UBN2: variants seen among roughly 807,000 people sequenced by gnomAD.
UBN2 encodes ubinuclein-2.
A neutral mutation model predicts 120.2 loss-of-function variants in UBN2; 35 were observed. The ratio of observed to expected loss-of-function variants is 0.29; its 90% CI spans 0.22 to 0.39. The LOEUF (loss-of-function observed/expected upper bound fraction) is 0.39. Among genes scored for constraint, UBN2 ranks in the 10% least tolerant of loss-of-function variants. UBN2 has a pLI of 1.00. For synonymous variants in UBN2, 661 were observed against 648.7 expected (o/e 1.02, Z -0.29); for missense variants, 1,693 against 1,663.2 (o/e 1.02, Z -0.31).
chr7:139,318,435 G>T, the UBN2 span, among the ~76,000 whole-genome samples: 3 of 152,194 alleles, frequency 2.0e-5, no homozygotes, highest in Non-Finnish European at 2.9e-5. Flanking sequence ...TGTGTGTTTA[G>T]TGATTTTTGT....
In UBN2 at chr7:139,269,450, A is replaced by G; in HGVS notation, c.1523A>G (p.His508Arg). 1 of 1,614,162 alleles carries G rather than the reference A, an allele frequency of 6.2e-7. No individual in the cohort carries two copies. The highest frequency in any genetic ancestry group is 8.5e-7 in the Non-Finnish European group (1 of 1,180,028). ...GTCATTCGCAGTGGTGTCTACTCCC[A>G]CCTTGAAGCTTTTGTGCCATGCAAT... ...GPVIRSGVYS[H>R]LEAFVPCNKE... Residue 508 changes from histidine (H) to arginine (R), a missense_variant, in exon 8 of 18, where the codon CAC becomes CGC. Around this residue, in one of 5 missense-constraint regions of UBN2, gnomAD observed 178 missense variants for 204.0 expected, o/e 0.87. Coordinates refer to ENST00000473989, the MANE Select transcript of UBN2 (RefSeq NM_173569.4).
chr7:139,324,075 A>G, the UBN2 span, among the ~76,000 whole-genome samples: 3 of 152,102 alleles, frequency 2.0e-5, no homozygotes, highest in Middle Eastern at 3.2e-3. Context: ...TCCCGCTGCC[A>G]TTCTTATGAT....
chr7:139,286,299 A>C (rs1230702497), intron 15 of UBN2, among the ~76,000 whole-genome samples: 1 of 152,008 alleles, frequency 6.6e-6, no homozygotes, highest in African/African-American at 2.4e-5. Context: ...CCTAACCTCA[A>C]GTGATCTGCC....
Position 139,231,748 on chromosome 7 carries a change from GGAGCCCCCGCGGCCC to G in UBN2, c.270_284del (p.Arg92_Pro96del), listed in dbSNP as rs1199076121. On this transcript the variant is annotated inframe_deletion, in exon 1 of 18. Coordinates refer to ENST00000473989, the MANE Select transcript of UBN2 (RefSeq NM_173569.4). ...CCGAGCCGCCCATGTCGCTGCAGCG[GGAGCCCCCGCGGCCC>G]GAGCCGCCGCCGCCGTTCCCGCCGC... 4 of 1,214,282 alleles carry G rather than the reference GGAGCCCCCGCGGCCC, an allele frequency of 3.3e-6. No homozygotes were observed. Among genetic ancestry groups the G allele is most frequent in the Admixed American group, 4.4e-5 (1 of 22,818 alleles). The allele number at this position is 1,214,282 out of a possible 1,614,324, so 75.2% of individuals were successfully genotyped here.
At chr7:139,271,854 A>G (rs1347185272) in intron 8 of UBN2, among the ~76,000 whole-genome samples, 2 of 152,218 alleles carry the variant, frequency 1.3e-5, no homozygotes, top group East Asian at 3.8e-4. Flanking sequence ...ATTACTAACC[A>G]TAACTGAGAG....
rs142378700 is a variant in UBN2 at position 139,272,494 on chromosome 7, TTATGTATGTATGTATGTATGTATG to T, written c.1715+78_1715+101del. 2.6e-4 allele frequency: 290 copies of T among 1,105,086 alleles called. 1 individual carries two copies. In the South Asian group the frequency reaches 3.1e-3, roughly 12 times the overall value. 68.5% of individuals were successfully genotyped at this position (1,105,086 alleles called of 1,614,324 possible). Reference sequence around the variant, plus strand: ...TTTGCATTTGAGAAGTGTATGTACGTTATGTATGTATGTATGTATGTATGTATGTATGTATGTATGTATGTATTT... The same window carrying T: ...TTTGCATTTGAGAAGTGTATGTACGTTATGTATGTATGTATGTATGTATTT... On this transcript the variant is annotated intron_variant, in intron 9 of 17. Transcript: ENST00000473989.
the UBN2 span, among the ~76,000 whole-genome samples, chr7:139,327,476 G>A: frequency 1.1e-3 from 174 of 152,260 alleles, no homozygotes; most frequent in East Asian, 0.023. Context: ...TCAAGGTGCT[G>A]GCATCTGGTG....
chr7:139,293,203 A>C, intron 15 of UBN2, 29 bp from the exon 16 acceptor site: 1 of 1,577,216 alleles, frequency 6.3e-7, no homozygotes. Context: ...TTTATTTCTT[A>C]TGTATTTTGA....
the UBN2 span, among the ~76,000 whole-genome samples, chr7:139,316,452 T>G: frequency 1.3e-5 from 2 of 152,190 alleles, no homozygotes; most frequent in African/African-American, 4.8e-5. Context: ...TTTTCTAGGT[T>G]CTTTTCCTTC....
chr7:139,269,168 C>T (rs1797187303), intron 7 of UBN2, among the ~76,000 whole-genome samples: 1 of 152,056 alleles, frequency 6.6e-6, no homozygotes, highest in African/African-American at 2.4e-5. Context: ...GAGACTGCAC[C>T]ATTGCACTCC....
intron 2 of UBN2, among the ~76,000 whole-genome samples, chr7:139,249,977 A>G (rs987985816): frequency 8.6e-5 from 13 of 151,930 alleles, no homozygotes; most frequent in African/African-American, 3.1e-4. Context: ...CTGAAATTAC[A>G]GGTATGAGTT....
chr7:139,269,949 C>T (rs1048198821), intron 8 of UBN2, among the ~76,000 whole-genome samples: 1 of 152,080 alleles, frequency 6.6e-6, no homozygotes, highest in African/African-American at 2.4e-5. Context: ...GCTAGGACTG[C>T]AGGCTGGCAT....
At chr7:139,310,906 T>C (rs1281120051), downstream of UBN2, among the ~76,000 whole-genome samples, 1 of 152,254 alleles carries the variant, frequency 6.6e-6, no homozygotes, top group Non-Finnish European at 1.5e-5. Flanking sequence ...TATTCTATAG[T>C]TGTGATATCA....
chr7:139,241,007 C>G (rs745930563), intron 2 of UBN2, among the ~76,000 whole-genome samples: 1 of 152,190 alleles, frequency 6.6e-6, no homozygotes, highest in Admixed American at 6.5e-5. Context: ...TCCCATGCCT[C>G]TCTTTATTCC....
chr7:139,284,099 T>C lies in UBN2; in HGVS notation c.3194T>C (p.Leu1065Pro). 6.2e-7 allele frequency: 1 copy of C among 1,614,140 alleles called. No homozygotes were observed. The highest frequency in any genetic ancestry group is 8.5e-7 in the Non-Finnish European group (1 of 1,180,020). The change falls in exon 15 of 18, where the codon CTG becomes CCG. Residue 1065 changes from leucine to proline, a missense_variant. Coordinates refer to ENST00000473989, the MANE Select transcript of UBN2 (RefSeq NM_173569.4). ...CCTTCTGCCTCACCCAAGCCCTCTC[T>C]GTCAGCTAAGCCTTCAGTATCAACT... ...PKPSASPKPSLSAKPSVSTKL... is the reference protein window; with the variant it reads ...PKPSASPKPSPSAKPSVSTKL...
At chr7:139,261,948 C>CTTTTTTTT (rs72000087) in intron 6 of UBN2, among the ~76,000 whole-genome samples, 28 of 131,910 alleles carry the variant, frequency 2.1e-4, no homozygotes, top group Non-Finnish European at 2.8e-4. Context: ...TTCTTTCTTT[C>CTTTTTTTT]TTTTTTTTTT....
the UBN2 span, among the ~76,000 whole-genome samples, chr7:139,321,743 T>A: frequency 6.6e-6 from 1 of 152,060 alleles, no homozygotes; most frequent in Non-Finnish European, 1.5e-5. Flanking sequence ...CCATTTGGAA[T>A]CTGTCACTCC....
At chr7:139,236,534 A>C (rs1164443450) in intron 1 of UBN2, among the ~76,000 whole-genome samples, 2 of 152,228 alleles carry the variant, frequency 1.3e-5, no homozygotes, top group African/African-American at 2.4e-5. Flanking sequence ...TAGTGAAGAT[A>C]TCAATCTAGA....
downstream of UBN2, among the ~76,000 whole-genome samples, chr7:139,309,060 C>T (rs967922443): frequency 3.3e-5 from 5 of 151,966 alleles, no homozygotes; most frequent in African/African-American, 7.2e-5. Context: ...AGCGAGACTC[C>T]GTCTCAACAA....
Sources: gnomAD v4.1 joint callset for allele counts (sites outside exome capture counted in the v4.1 genomes callset) on GRCh38, gnomAD v4.1.1 for gene constraint, gnomAD v4.1.1 regional missense constraint, MANE v1.5 for transcripts, NCBI Gene and HGNC (gene_info 2026-07-23, HGNC 2026-07-21) for gene names.